MYO1D: variants seen among roughly 807,000 people sequenced by gnomAD.
MYO1D encodes unconventional myosin-Id.
In MYO1D, 83 loss-of-function variants were observed where a neutral mutation model predicts 122.0. The ratio of observed to expected loss-of-function variants is 0.68; its 90% CI spans 0.57 to 0.82. The LOEUF (loss-of-function observed/expected upper bound fraction) is 0.82, where lower values mean the gene tolerates loss of function less well. MYO1D is among the 40% of genes least tolerant of loss of function. The probability of loss-of-function intolerance (pLI) is 0.00; values close to 1 mark genes in which losing one functional copy is unlikely to be tolerated. For synonymous variants in MYO1D, 464 were observed against 446.9 expected (o/e 1.04, Z -0.48); for missense variants, 1,157 against 1,269.5 (o/e 0.91, Z 1.35).
Position 32,706,389 on chromosome 17 carries a change from T to C in MYO1D, c.2121+5599A>G, listed in dbSNP as rs1216613693. ...TCCCAAAGTGCTGGGATTATAGGCA[T>C]GAGCCATTGCACCTGGCCTAAATCT... On this transcript the variant is annotated intron_variant, in intron 16 of 21. Coordinates refer to ENST00000318217, the MANE Select transcript of MYO1D (RefSeq NM_015194.3). Among the ~76,000 whole-genome samples, 3 of 152,174 alleles carry C rather than the reference T, an allele frequency of 2.0e-5. No homozygotes were observed. In the East Asian group the frequency reaches 5.8e-4, roughly 29 times the overall value.
intron 1 of MYO1D, among the ~76,000 whole-genome samples, chr17:32,874,209 TA>T (rs2091206948): frequency 6.6e-6 from 1 of 152,210 alleles, no homozygotes. Context: ...AATAATCACC[TA>T]AGCTTTATAA....
At chr17:32,809,415 T>C (rs1269800776) in intron 1 of MYO1D, among the ~76,000 whole-genome samples, 1 of 151,066 alleles carries the variant, frequency 6.6e-6, no homozygotes, top group Non-Finnish European at 1.5e-5. Context: ...CATGAGCCAC[T>C]GTATCTGGCC....
intron 1 of MYO1D, among the ~76,000 whole-genome samples, chr17:32,822,268 G>T (rs978637566): frequency 6.6e-6 from 1 of 151,604 alleles, no homozygotes; most frequent in Non-Finnish European, 1.5e-5. Context: ...GCAAACTATC[G>T]CAAGGACAGA....
At chr17:32,641,357 C>A (rs1188149032) in intron 19 of MYO1D, among the ~76,000 whole-genome samples, 1 of 151,920 alleles carries the variant, frequency 6.6e-6, no homozygotes, top group Non-Finnish European at 1.5e-5. Context: ...TGGGTTGGTT[C>A]CAAGTCTTTG....
At chr17:32,570,495 C>T (rs567018888) in intron 21 of MYO1D, among the ~76,000 whole-genome samples, 2 of 151,924 alleles carry the variant, frequency 1.3e-5, no homozygotes, top group Non-Finnish European at 2.9e-5. Flanking sequence ...CTCCAAGTAG[C>T]TGGGACTACA....
At chr17:32,625,958 C>T (rs1354212083) in intron 20 of MYO1D, among the ~76,000 whole-genome samples, 1 of 152,232 alleles carries the variant, frequency 6.6e-6, no homozygotes, top group African/African-American at 2.4e-5. Flanking sequence ...AATGATGAAG[C>T]CCAGCTCCAT....
intron 11 of MYO1D, among the ~76,000 whole-genome samples, chr17:32,749,816 G>A (rs1283502310): frequency 2.6e-5 from 4 of 152,136 alleles, no homozygotes; most frequent in African/African-American, 7.2e-5. Context: ...TCCTCCTTAA[G>A]GAGGACCATA....
intron 3 of MYO1D, 82 bp from the exon 4 acceptor site, chr17:32,776,111 T>C (rs762876491): frequency 1.3e-5 from 16 of 1,216,146 alleles, no homozygotes; most frequent in Non-Finnish European, 1.6e-5. Flanking sequence ...CTAAACCACA[T>C]ACAAATATTT....
chr17:32,544,264 T>TAA (rs559388521), intron 21 of MYO1D, among the ~76,000 whole-genome samples: 4 of 139,180 alleles, frequency 2.9e-5, no homozygotes, highest in African/African-American at 7.9e-5. Flanking sequence ...CCCAGCTAAT[T>TAA]AAAAAAAAAA....
intron 20 of MYO1D, among the ~76,000 whole-genome samples, chr17:32,626,282 G>A (rs1412247824): frequency 6.6e-6 from 1 of 152,208 alleles, no homozygotes; most frequent in Non-Finnish European, 1.5e-5. Context: ...TATTATTGCC[G>A]CAGCTTAGTG....
At chr17:32,772,158 T>C (rs1009647377) in intron 5 of MYO1D, among the ~76,000 whole-genome samples, 1 of 152,244 alleles carries the variant, frequency 6.6e-6, no homozygotes, top group African/African-American at 2.4e-5. Context: ...ATTTGGGCTT[T>C]AAAAACTTAC....
intron 1 of MYO1D, among the ~76,000 whole-genome samples, chr17:32,875,976 A>G (rs1049372823): frequency 2.0e-5 from 3 of 152,216 alleles, no homozygotes; most frequent in Non-Finnish European, 4.4e-5. Context: ...GGCTTTCTAA[A>G]ACAAATCCAC....
chr17:32,520,550 A>G (rs1362060000), intron 21 of MYO1D, among the ~76,000 whole-genome samples: 8 of 152,062 alleles, frequency 5.3e-5, no homozygotes, highest in Non-Finnish European at 1.5e-5. Context: ...AGATTATAAT[A>G]GAGAGGCATG....
At position 32,649,347 on chromosome 17, in the gene MYO1D, A is replaced by G. The variant is rs78432526; in HGVS notation, c.2595+4496T>C. The stretch of plus-strand genomic sequence containing the variant: ...GAAGCTCTATACCCATTAAACAATA[A>G]CTCCCCAGTCCTCTCTTTCCCCAAC... On this transcript the variant is annotated intron_variant, in intron 19 of 21. Transcript: ENST00000318217. 4.2e-3 allele frequency among the ~76,000 whole-genome samples: 631 copies of G among 152,000 alleles called. 19 individuals are homozygous for G. Among genetic ancestry groups the G allele is most frequent in the Admixed American group, 0.028 (423 of 15,238 alleles).
At chr17:32,748,352 T>C (rs1354818388) in intron 12 of MYO1D, among the ~76,000 whole-genome samples, 1 of 152,132 alleles carries the variant, frequency 6.6e-6, no homozygotes, top group African/African-American at 2.4e-5. Context: ...TTTCTTCTAC[T>C]TGGAAAGCTT....
intron 14 of MYO1D, among the ~76,000 whole-genome samples, chr17:32,733,475 C>T (rs763385623): frequency 1.3e-5 from 2 of 152,148 alleles, no homozygotes; most frequent in Admixed American, 6.5e-5. Flanking sequence ...GAGATTCACA[C>T]CCCCTCCACC....
rs79668277 is a variant in MYO1D at position 32,730,331 on chromosome 17, A to G, written c.1746+7922T>C. Among the ~76,000 whole-genome samples, 1,275 of 152,262 alleles carry G rather than the reference A, an allele frequency of 8.4e-3. 13 individuals are homozygous for G. Among genetic ancestry groups the G allele is most frequent in the African/African-American group, 0.029 (1,211 of 41,552 alleles). On this transcript the variant is annotated intron_variant, in intron 14 of 21. Coordinates refer to ENST00000318217, the MANE Select transcript of MYO1D (RefSeq NM_015194.3). ...CTCTTCTAATTGATATGCAATTGTT[A>G]CTGTGATAACTCTAATCTGTATTTT... is the stretch of plus-strand genomic sequence containing the variant.
At chr17:32,635,008 A>G (rs550378945) in intron 20 of MYO1D, among the ~76,000 whole-genome samples, 1 of 152,336 alleles carries the variant, frequency 6.6e-6, no homozygotes, top group African/African-American at 2.4e-5. Flanking sequence ...TACCAGAAAA[A>G]GTAAGGAAAG....
At chr17:32,524,075 G>C (rs1910253560) in intron 21 of MYO1D, among the ~76,000 whole-genome samples, 1 of 152,238 alleles carries the variant, frequency 6.6e-6, no homozygotes, top group Admixed American at 6.5e-5. Flanking sequence ...TTGCCACAGA[G>C]CTGCTACAAC....
Sources: allele counts gnomAD v4.1 joint callset (sites outside exome capture counted in the v4.1 genomes callset), GRCh38; gene constraint gnomAD v4.1.1; transcripts MANE v1.5; gene names NCBI Gene and HGNC (gene_info 2026-07-23, HGNC 2026-07-21).